Variants in COL27A1 observed in about 807,000 individuals in gnomAD.
The protein encoded by COL27A1 is collagen alpha-1(XXVII) chain.
A neutral mutation model predicts 251.3 loss-of-function variants in COL27A1; 106 were observed. The ratio of observed to expected loss-of-function variants is 0.42; its 90% CI spans 0.36 to 0.50. The LOEUF (loss-of-function observed/expected upper bound fraction) is 0.50. Among genes scored for constraint, COL27A1 ranks in the 20% least tolerant of loss-of-function variants. COL27A1 has a pLI of 0.00. For missense variants in COL27A1, 2,325 were observed against 2,522.8 expected (o/e 0.92, Z 1.68); for synonymous variants, 1,000 against 986.3 (o/e 1.01, Z -0.26).
Position 114,168,790 on chromosome 9 carries a change from G to C in COL27A1, c.1235G>C (p.Arg412Pro). The C allele has an allele frequency of 2.5e-6, 4 of 1,613,788 alleles. No individual in the cohort carries two copies. Among genetic ancestry groups the C allele is most frequent in the Non-Finnish European group, 3.4e-6 (4 of 1,179,988 alleles). ...PTQKQVPPTS[R>P]PVPARVSRPA... Reference sequence around the variant, plus strand: ...CAGAAGCAAGTGCCACCTACTTCCCGTCCAGTTCCTGCCAGAGTCTCCCGT... The same window carrying C: ...CAGAAGCAAGTGCCACCTACTTCCCCTCCAGTTCCTGCCAGAGTCTCCCGT... The change falls in exon 3 of 61, where the codon CGT (arginine) becomes CCT (proline). Residue 412 changes from arginine to proline, a missense_variant. This residue lies in a region of COL27A1 where 1,183 missense variants were observed against 1,144.1 expected (regional missense o/e 1.03). Coordinates refer to ENST00000356083, the MANE Select transcript of COL27A1 (RefSeq NM_032888.4).
chr9:114,209,532 G>A (rs780648959), intron 10 of COL27A1, 143 bp from the exon 11 acceptor site: 2 of 807,384 alleles, frequency 2.5e-6, no homozygotes, highest in South Asian at 1.3e-5. Flanking sequence ...ATGTCATCGA[G>A]GAGCCACCGG....
At chr9:114,194,355 A>G in intron 5 of COL27A1, 49 bp from the exon 6 acceptor site, 1 of 1,585,174 alleles carries the variant, frequency 6.3e-7, no homozygotes, top group Middle Eastern at 1.7e-4. Flanking sequence ...GGAGGCAGAC[A>G]TCCTTTCTAG....
At chr9:114,272,701 G>A (rs1450047071) in intron 36 of COL27A1, 1 of 152,172 alleles carries the variant, frequency 6.6e-6, no homozygotes, top group Non-Finnish European at 1.5e-5. Flanking sequence ...TATTTACATG[G>A]TTTATCTCTT....
chr9:114,173,402 C>G lies in COL27A1; in HGVS notation c.1908+3939C>G, dbSNP rs150750466. Among the ~76,000 whole-genome samples the G allele has an allele frequency of 4.3e-4, 66 of 152,374 alleles. 1 individual carries two copies. In the East Asian group the frequency reaches 0.012, roughly 28 times the overall value. ...TTACGAAATGCAGGTCGTCCTGACT[C>G]CCAGGCGGGGTTCCTTGAGGTTACC... On this transcript the variant is annotated intron_variant, in intron 3 of 60. Coordinates refer to ENST00000356083, the MANE Select transcript of COL27A1 (RefSeq NM_032888.4).
chr9:114,181,703 G>A (rs1827934827), intron 4 of COL27A1, among the ~76,000 whole-genome samples: 1 of 152,216 alleles, frequency 6.6e-6, no homozygotes, highest in African/African-American at 2.4e-5. Context: ...CAGGGCCCTT[G>A]CTGGAGAAAG....
Position 114,167,681 on chromosome 9 carries a change from C to T in COL27A1, c.134-8C>T. 1 of 1,601,434 alleles carries T rather than the reference C, an allele frequency of 6.2e-7. No individual in the cohort carries two copies. The highest frequency in any genetic ancestry group is 8.5e-7 in the Non-Finnish European group (1 of 1,171,656). On this transcript the variant is annotated splice_polypyrimidine_tract_variant and splice_region_variant and intron_variant, in intron 2 of 60. Coordinates refer to ENST00000356083, the MANE Select transcript of COL27A1 (RefSeq NM_032888.4). ...ACTGCGTCCTCTCCCCTTTTCCCTC[C>T]CTCTCAGATGTGGACATCCTCCAGC...
At chr9:114,265,612 T>G in intron 32 of COL27A1, 137 bp downstream of exon 32, 1 of 803,704 alleles carries the variant, frequency 1.2e-6, no homozygotes, top group Non-Finnish European at 2.0e-6. Context: ...GCCTTGGGGT[T>G]GGTGGCGAGC....
chr9:114,162,694 C>T (rs755137011), intron 1 of COL27A1, 21 bp from the exon 2 acceptor site: 3 of 1,598,938 alleles, frequency 1.9e-6, no homozygotes, highest in Admixed American at 3.3e-5. Context: ...GCCGCCTCTG[C>T]TTGTGTCTCC....
intron 28 of COL27A1, among the ~76,000 whole-genome samples, 177 bp from the exon 29 acceptor site, chr9:114,264,178 C>G (rs539910301): frequency 2.6e-5 from 4 of 152,310 alleles, no homozygotes; most frequent in African/African-American, 4.8e-5. Context: ...AGAGCTGTCT[C>G]GAAGGCGCTG....
At chr9:114,237,071 A>T (rs370402604) in intron 18 of COL27A1, 37 bp downstream of exon 18, 21 of 1,542,428 alleles carry the variant, frequency 1.4e-5, no homozygotes, top group Non-Finnish European at 1.8e-5. Context: ...CAAACCTCAC[A>T]CTCTCCAACT....
intron 59 of COL27A1, among the ~76,000 whole-genome samples, chr9:114,308,151 A>G (rs1257204850): frequency 6.6e-6 from 1 of 152,250 alleles, no homozygotes; most frequent in Non-Finnish European, 1.5e-5. Context: ...TGAATTATGT[A>G]TGCGAATACT....
rs761356419 is a variant in COL27A1, at chr9:114,211,025, C to T, written c.2366C>T (p.Pro789Leu). ...VPGKRGKMGM[P>L]GFPGVFGERG... ...GGCAAGAGGGGCAAGATGGGTATGCCGGTAAAGATTTTCCGTGTCTATTAC... is the reference window on the plus strand; with the variant it reads ...GGCAAGAGGGGCAAGATGGGTATGCTGGTAAAGATTTTCCGTGTCTATTAC... Residue 789 changes from proline (P) to leucine (L), a missense_variant and splice_region_variant, in exon 12 of 61, where the codon CCG becomes CTG. Pro to Leu is a moderately conservative substitution (Grantham distance 98). This residue lies in a region of COL27A1 where 1,183 missense variants were observed against 1,144.1 expected (regional missense o/e 1.03). Transcript: ENST00000356083. 17 of 1,614,096 alleles carry T rather than the reference C, an allele frequency of 1.1e-5. No individual in the cohort carries two copies. The highest frequency in any genetic ancestry group is 6.7e-5 in the East Asian group (3 of 44,902).
rs1225978048 is a variant in COL27A1 at position 114,290,897 on chromosome 9, C to G, written c.4456C>G (p.Gln1486Glu). 1 of 1,551,262 alleles carries G rather than the reference C, an allele frequency of 6.4e-7. No individual in the cohort carries two copies. The highest frequency in any genetic ancestry group is 8.7e-7 in the Non-Finnish European group (1 of 1,146,848). ...NPGVAGLPGAQGPPGFKGESG... is the reference protein window; with the variant it reads ...NPGVAGLPGAEGPPGFKGESG... The stretch of plus-strand genomic sequence containing the variant: ...AGGTGTGGCCGGCTTACCTGGAGCA[C>G]AGGGACCCCCAGGATTCAAGGTCAG... Residue 1486 changes from glutamine to glutamate, a missense_variant, in exon 48 of 61, where the codon CAG becomes GAG. Gln to Glu is a conservative substitution (Grantham distance 29). Transcript: ENST00000356083. The surrounding 1 kb of genome is among the most constrained non-coding windows in gnomAD (Gnocchi z 4.6).
Position 114,275,735 on chromosome 9 carries a change from GC to G in COL27A1, c.3690del (p.Gly1231AlafsTer336), listed in dbSNP as rs1554822800. ...GQEGLMGEDGPPGPPGVTGVR... is the reference protein window; with the variant it reads ...GQEGLMGEDGXPGPPGVTGVR... Reference sequence around the variant, plus strand: ...AGGAAGGGCTGATGGGTGAGGACGGGCCCCCCGGCCCCCCTGGCGTCACTGG... The same window carrying G: ...AGGAAGGGCTGATGGGTGAGGACGGGCCCCCGGCCCCCCTGGCGTCACTGG... On this transcript the variant is annotated frameshift_variant, in exon 37 of 61. Coordinates refer to ENST00000356083, the MANE Select transcript of COL27A1 (RefSeq NM_032888.4). LOFTEE classifies it high-confidence loss of function. The G allele has an allele frequency of 2.6e-6, 4 of 1,548,690 alleles. No individual in the cohort carries two copies. The highest frequency in any genetic ancestry group is 1.7e-6 in the Non-Finnish European group (2 of 1,146,394).
At position 114,168,663 on chromosome 9, in the gene COL27A1, A is replaced by G. The variant is rs1314186577; in HGVS notation, c.1108A>G (p.Thr370Ala). Reference sequence around the variant, plus strand: ...CACCAAAATCCCCAAAAGCCTCCCTACCAAGCCTTCGGCCCCTTCTACTTC... The same window carrying G: ...CACCAAAATCCCCAAAAGCCTCCCTGCCAAGCCTTCGGCCCCTTCTACTTC... ...TATKIPKSLP[T>A]KPSAPSTSIV... Residue 370 changes from threonine (T) to alanine (A), a missense_variant, in exon 3 of 61, where the codon ACC becomes GCC. Thr to Ala is a moderately conservative substitution (Grantham distance 58). Transcript: ENST00000356083. 9.9e-6 allele frequency: 16 copies of G among 1,613,968 alleles called. No individual in the cohort carries two copies. Among genetic ancestry groups the G allele is most frequent in the Non-Finnish European group, 1.3e-5 (15 of 1,180,012 alleles).
intron 60 of COL27A1, 114 bp from the exon 61 acceptor site, chr9:114,310,433 CAA>C (rs1829367969): frequency 1.8e-6 from 2 of 1,117,612 alleles, no homozygotes; most frequent in Admixed American, 1.8e-5. Context: ...GTCATTGCTA[CAA>C]TGAAATACAG....
At chr9:114,157,047 A>T (rs1265787171) in intron 1 of COL27A1, among the ~76,000 whole-genome samples, 1 of 148,560 alleles carries the variant, frequency 6.7e-6, no homozygotes, top group Non-Finnish European at 1.5e-5. Flanking sequence ...GCTGTTTGCG[A>T]TTCCCCCGCC....
At chr9:114,241,319 C>T (rs1832739101) in intron 21 of COL27A1, among the ~76,000 whole-genome samples, 1 of 152,270 alleles carries the variant, frequency 6.6e-6, no homozygotes, top group Non-Finnish European at 1.5e-5. Context: ...AGGCGGGCAT[C>T]CAGCTGACAT....
At chr9:114,247,074 TAG>T (rs767180521) in intron 24 of COL27A1, among the ~76,000 whole-genome samples, 48 of 152,180 alleles carry the variant, frequency 3.2e-4, no homozygotes, top group Non-Finnish European at 6.5e-4. Context: ...CTTCTCAGAA[TAG>T]AGTTTATAAA....
Sources: allele counts gnomAD v4.1 joint callset (sites outside exome capture counted in the v4.1 genomes callset), GRCh38; gene constraint gnomAD v4.1.1; regional missense constraint gnomAD v4.1.1; non-coding constraint Gnocchi (gnomAD v3.1); transcripts MANE v1.5; gene names NCBI Gene and HGNC (gene_info 2026-07-23, HGNC 2026-07-21).